Variants in MT1E observed in about 807,000 individuals in gnomAD.
MT1E encodes metallothionein 1E, also known as metallothionein-1E.
A neutral mutation model predicts 2.4 loss-of-function variants in MT1E; 1 was observed. The observed-to-expected ratio is 0.41, with a 90% confidence interval of 0.15 to 1.97. The LOEUF (loss-of-function observed/expected upper bound fraction) is 1.97. Ranked by LOEUF, MT1E falls within the 30% of genes most tolerant of loss-of-function variation. MT1E has a pLI of 0.30. For missense variants in MT1E, 145 were observed against 149.6 expected (o/e 0.97, Z 0.16); for synonymous variants, 78 against 63.0 (o/e 1.24, Z -1.13).
At position 56,625,862 on chromosome 16, in the gene MT1E, A is replaced by C. The variant is rs143117929; in HGVS notation, c.11A>C (p.Asn4Thr). MDPNCSCATGGSCT... is the reference protein window; with the variant it reads MDPTCSCATGGSCT... ...TCCCCTTTGCTCGAAATGGACCCCAACTGCTCTTGCGCCACTGGTAAGGGA... is the reference window on the plus strand; with the variant it reads ...TCCCCTTTGCTCGAAATGGACCCCACCTGCTCTTGCGCCACTGGTAAGGGA... Residue 4 changes from asparagine to threonine, a missense_variant, in exon 1 of 2, where the codon AAC becomes ACC. Coordinates refer to ENST00000330439, the MANE Select transcript of MT1E (RefSeq NM_001363555.2). 7.4e-6 allele frequency: 12 copies of C among 1,613,678 alleles called. No individual in the cohort carries two copies. Among genetic ancestry groups the C allele is most frequent in the South Asian group, 1.1e-5 (1 of 91,048 alleles).
rs1441322176 is a variant in MT1E, at chr16:56,625,843, T to C, written c.-9T>C. ...ACTGGTGTGAGCTCCAGCATCCCCT[T>C]TGCTCGAAATGGACCCCAACTGCTC... On this transcript the variant is annotated 5_prime_UTR_variant, in exon 1 of 2. Transcript: ENST00000330439. 7.4e-6 allele frequency: 12 copies of C among 1,613,226 alleles called. No homozygotes were observed. In the African/African-American group the frequency reaches 1.6e-4, roughly 22 times the overall value.
Position 56,626,893 on chromosome 16 carries a change from C to G in MT1E, c.*72C>G. On this transcript the variant is annotated 3_prime_UTR_variant, in exon 2 of 2. Transcript: ENST00000330439. ...CTTCTTCCCCAGGCTGCTGTTCCTG[C>G]TGCCCCGTGGGCTGTGCCAAGTGTG... The G allele has an allele frequency of 6.2e-7, 1 of 1,614,232 alleles. No homozygotes were observed. Among genetic ancestry groups the G allele is most frequent in the Non-Finnish European group, 8.5e-7 (1 of 1,180,052 alleles).
rs1384539175 is a variant in MT1E, at chr16:56,626,839, T to C, written c.*18T>C. On this transcript the variant is annotated 3_prime_UTR_variant, in exon 2 of 2. Coordinates refer to ENST00000330439, the MANE Select transcript of MT1E (RefSeq NM_001363555.2). Reference sequence around the variant, plus strand: ...GCTATTAGGGCAGGGAGGTGCCCGGTCAAGTCTACTGCCACCTCTCACTCT... The same window carrying C: ...GCTATTAGGGCAGGGAGGTGCCCGGCCAAGTCTACTGCCACCTCTCACTCT... The C allele has an allele frequency of 1.2e-6, 2 of 1,614,156 alleles. No individual in the cohort carries two copies. Among genetic ancestry groups the C allele is most frequent in the Admixed American group, 3.3e-5 (2 of 60,012 alleles).
intron 1 of MT1E, 54 bp downstream of exon 1, chr16:56,625,933 G>A (rs1481401137): frequency 1.2e-6 from 2 of 1,608,150 alleles, no homozygotes; most frequent in East Asian, 2.2e-5. Context: ...ATTACAGAGG[G>A]TCTCTGGGTT....
Position 56,626,015 on chromosome 16 carries a change from C to G in MT1E, c.28+136C>G. Reference sequence around the variant, plus strand: ...TCGTTAGATGCTTTCTTCCTGATCACGCCCCTGAGAGCATTGCCCTCATCC... The same window carrying G: ...TCGTTAGATGCTTTCTTCCTGATCAGGCCCCTGAGAGCATTGCCCTCATCC... On this transcript the variant is annotated intron_variant, in intron 1 of 1. Coordinates refer to ENST00000330439, the MANE Select transcript of MT1E (RefSeq NM_001363555.2). 4 of 1,051,958 alleles carry G rather than the reference C, an allele frequency of 3.8e-6. No individual in the cohort carries two copies. The Admixed American group carries it at 7.3e-5, about 19-fold the overall frequency. 65.2% of individuals were successfully genotyped at this position (1,051,958 alleles called of 1,614,324 possible).
intron 1 of MT1E, among the ~76,000 whole-genome samples, 191 bp downstream of exon 1, chr16:56,626,070 T>TGA (rs1960204034): frequency 1.3e-5 from 2 of 152,270 alleles, no homozygotes; most frequent in Admixed American, 6.5e-5. Context: ...TTAAGAATAC[T>TGA]GAGGCTCAAG....
Position 56,625,846 on chromosome 16 carries a change from C to T in MT1E, c.-6C>T. On this transcript the variant is annotated 5_prime_UTR_variant, in exon 1 of 2. Transcript: ENST00000330439. ...GGTGTGAGCTCCAGCATCCCCTTTG[C>T]TCGAAATGGACCCCAACTGCTCTTG... is the stretch of plus-strand genomic sequence containing the variant. The T allele has an allele frequency of 6.2e-7, 1 of 1,613,472 alleles. No individual in the cohort carries two copies. The highest frequency in any genetic ancestry group is 8.5e-7 in the Non-Finnish European group (1 of 1,179,990).
intron 1 of MT1E, 39 bp downstream of exon 1, chr16:56,625,918 G>T (rs1960201980): frequency 6.2e-7 from 1 of 1,613,458 alleles, no homozygotes; most frequent in African/African-American, 1.3e-5. Flanking sequence ...CCATTTCCCA[G>T]CCCTATTACA....
chr16:56,626,627 C>T lies in MT1E; in HGVS notation c.190C>T (p.Leu64Phe). 2 of 1,613,028 alleles carry T rather than the reference C, an allele frequency of 1.2e-6. No individual in the cohort carries two copies. The highest frequency in any genetic ancestry group is 1.7e-6 in the Non-Finnish European group (2 of 1,179,480). ...GAGTGCATCCTTCTGGGGAACTGGG[C>T]TTTCTTTGCCCTCATTGCCCGTGTC... is the stretch of plus-strand genomic sequence containing the variant. ...ALSASFWGTG[L>F]SLPSLPVSFP... Residue 64 changes from leucine to phenylalanine, a missense_variant, in exon 2 of 2, where the codon CTT becomes TTT. By Grantham distance (22) the Leu-to-Phe change is conservative. Coordinates refer to ENST00000330439, the MANE Select transcript of MT1E (RefSeq NM_001363555.2).
chr16:56,626,365 G>A, intron 1 of MT1E, 101 bp from the exon 2 acceptor site: 2 of 1,547,958 alleles, frequency 1.3e-6, no homozygotes, highest in East Asian at 4.5e-5. Context: ...AGCTCTGAGG[G>A]CTGGCCCTGC....
Position 56,626,619 on chromosome 16 carries a change from G to T in MT1E, c.182G>T (p.Gly61Val). 1 of 1,613,760 alleles carries T rather than the reference G, an allele frequency of 6.2e-7. No homozygotes were observed. The highest frequency in any genetic ancestry group is 2.2e-5 in the East Asian group (1 of 44,882). The change falls in exon 2 of 2, where the codon GGA becomes GTA. Residue 61 changes from glycine (G) to valine (V), a missense_variant. By Grantham distance (109) the Gly-to-Val change is moderately radical. Coordinates refer to ENST00000330439, the MANE Select transcript of MT1E (RefSeq NM_001363555.2). ...SRLALSASFW[G>V]TGLSLPSLPV... ...CTGGCCCTGAGTGCATCCTTCTGGGGAACTGGGCTTTCTTTGCCCTCATTG... is the reference window on the plus strand; with the variant it reads ...CTGGCCCTGAGTGCATCCTTCTGGGTAACTGGGCTTTCTTTGCCCTCATTG...
chr16:56,626,729 T>A lies in MT1E; in HGVS notation c.292T>A (p.Cys98Ser), dbSNP rs574508118. 1 of 1,600,994 alleles carries A rather than the reference T, an allele frequency of 6.2e-7. No homozygotes were observed. Among genetic ancestry groups the A allele is most frequent in the South Asian group, 1.1e-5 (1 of 90,090 alleles). ...AFFSWDTNPNCTPYGFRTELC... is the reference protein window; with the variant it reads ...AFFSWDTNPNSTPYGFRTELC... ...TTTCTCGTGGGACACAAACCCCAAC[T>A]GTACCCCCTATGGTTTCAGAACAGA... The change falls in exon 2 of 2, where the codon TGT (cysteine) becomes AGT (serine). Residue 98 changes from cysteine to serine, a missense_variant. Transcript: ENST00000330439.
Position 56,626,868 on chromosome 16 carries a change from C to T in MT1E, c.*47C>T, listed in dbSNP as rs774123122. ...GTCTACTGCCACCTCTCACTCTCCC[C>T]TTCTTCCCCAGGCTGCTGTTCCTGC... On this transcript the variant is annotated 3_prime_UTR_variant, in exon 2 of 2. Transcript: ENST00000330439. 2 of 1,614,230 alleles carry T rather than the reference C, an allele frequency of 1.2e-6. No individual in the cohort carries two copies. The highest frequency in any genetic ancestry group is 1.1e-5 in the South Asian group (1 of 91,086).
At chr16:56,626,435 A>C in intron 1 of MT1E, 31 bp from the exon 2 acceptor site, 2 of 1,614,044 alleles carry the variant, frequency 1.2e-6, no homozygotes, top group Non-Finnish European at 1.7e-6. Context: ...CATCTCACTC[A>C]CTGCCCACTG....
In MT1E at chr16:56,625,986, T is replaced by G; in HGVS notation, c.28+107T>G. The G allele has an allele frequency of 6.1e-6, 8 of 1,305,460 alleles. No individual in the cohort carries two copies. The South Asian group carries it at 9.5e-5, about 16-fold the overall frequency. 80.9% of individuals were successfully genotyped at this position (1,305,460 alleles called of 1,614,324 possible). ...AAGTTCTGAGCGACGGGGACTCCAGTACTTCGTTAGATGCTTTCTTCCTGA... is the reference window on the plus strand; with the variant it reads ...AAGTTCTGAGCGACGGGGACTCCAGGACTTCGTTAGATGCTTTCTTCCTGA... On this transcript the variant is annotated intron_variant, in intron 1 of 1. Coordinates refer to ENST00000330439, the MANE Select transcript of MT1E (RefSeq NM_001363555.2).
intron 1 of MT1E, 82 bp from the exon 2 acceptor site, chr16:56,626,383 AG>A (rs1960208580): frequency 3.8e-6 from 6 of 1,594,660 alleles, no homozygotes; most frequent in Non-Finnish European, 5.2e-6. Context: ...TGCACAGAGG[AG>A]GGGGCACTGG....
In MT1E at chr16:56,627,091, A is replaced by AC. The variant is rs1960224198; in HGVS notation, c.*270_*271insC. The AC allele has an allele frequency of 7.5e-7, 1 of 1,332,542 alleles. No homozygotes were observed. Among genetic ancestry groups the AC allele is most frequent in the South Asian group, 1.4e-5 (1 of 69,428 alleles). 82.5% of individuals were successfully genotyped at this position (1,332,542 alleles called of 1,614,324 possible). On this transcript the variant is annotated 3_prime_UTR_variant, in exon 2 of 2. Coordinates refer to ENST00000330439, the MANE Select transcript of MT1E (RefSeq NM_001363555.2). ...TTTTATACTAAATATGTGACTGACAATAAAAACAATTTTGACTTTAATCTT... is the reference window on the plus strand; with the variant it reads ...TTTTATACTAAATATGTGACTGACAACTAAAAACAATTTTGACTTTAATCTT...
chr16:56,626,869 T>C lies in MT1E; in HGVS notation c.*48T>C, dbSNP rs1567342183. 1.2e-6 allele frequency: 2 copies of C among 1,614,184 alleles called. No individual in the cohort carries two copies. Among genetic ancestry groups the C allele is most frequent in the East Asian group, 2.2e-5 (1 of 44,876 alleles). The stretch of plus-strand genomic sequence containing the variant: ...TCTACTGCCACCTCTCACTCTCCCC[T>C]TCTTCCCCAGGCTGCTGTTCCTGCT... On this transcript the variant is annotated 3_prime_UTR_variant, in exon 2 of 2. Coordinates refer to ENST00000330439, the MANE Select transcript of MT1E (RefSeq NM_001363555.2).
rs1195684415 is a variant in MT1E at position 56,626,811 on chromosome 16, C to T, written c.374C>T (p.Ala125Val). ...GTCTGGGTTCTGAGCTCGAGCCAGG[C>T]TTGCTATTAGGGCAGGGAGGTGCCC... is the stretch of plus-strand genomic sequence containing the variant. Reference protein sequence around the residue: ...LWVWVLSSSQACY With the variant: ...LWVWVLSSSQVCY Residue 125 changes from alanine to valine, a missense_variant, in exon 2 of 2, where the codon GCT (alanine) becomes GTT (valine). Physicochemically the swap from Ala to Val is moderately conservative, Grantham distance 64. Coordinates refer to ENST00000330439, the MANE Select transcript of MT1E (RefSeq NM_001363555.2). 6.2e-7 allele frequency: 1 copy of T among 1,614,106 alleles called. No homozygotes were observed. The highest frequency in any genetic ancestry group is 1.7e-5 in the Admixed American group (1 of 60,026).
Sources: allele counts gnomAD v4.1 joint callset (sites outside exome capture counted in the v4.1 genomes callset), GRCh38; gene constraint gnomAD v4.1.1; transcripts MANE v1.5; gene names NCBI Gene and HGNC (gene_info 2026-07-23, HGNC 2026-07-21).